Variants in TMEM131 observed in about 807,000 individuals in gnomAD.
TMEM131 encodes the protein 2610524E03Rik.
In TMEM131, 66 loss-of-function variants were observed where a neutral mutation model predicts 211.6. That is an observed-to-expected ratio of 0.31 (90% CI 0.26 to 0.38). The LOEUF (loss-of-function observed/expected upper bound fraction) is 0.38. Ranked by LOEUF, TMEM131 falls within the 10% of genes least tolerant of loss-of-function variation. TMEM131 has a pLI of 1.00. For synonymous variants in TMEM131, 844 were observed against 841.3 expected (o/e 1.00, Z -0.06); for missense variants, 2,036 against 2,299.3 (o/e 0.89, Z 2.34).
intron 2 of TMEM131, among the ~76,000 whole-genome samples, chr2:97,925,331 G>A (rs566036388): frequency 3.3e-5 from 5 of 152,198 alleles, no homozygotes; most frequent in Non-Finnish European, 7.3e-5. Flanking sequence ...GGATGGGAAT[G>A]ATGGTTTGAG....
chr2:97,796,607 C>T (rs757868384), intron 27 of TMEM131, among the ~76,000 whole-genome samples: 37 of 152,228 alleles, frequency 2.4e-4, no homozygotes, highest in African/African-American at 8.4e-4. Context: ...GTTGACTATA[C>T]TTCACATTTC....
At chr2:97,868,188 G>A (rs1674347551) in intron 4 of TMEM131, among the ~76,000 whole-genome samples, 1 of 152,056 alleles carries the variant, frequency 6.6e-6, no homozygotes, top group Admixed American at 6.5e-5. Context: ...CAGTAATAGT[G>A]CTTGTTCTGA....
chr2:97,954,012 C>T (rs1456946147), intron 1 of TMEM131, among the ~76,000 whole-genome samples: 1 of 152,076 alleles, frequency 6.6e-6, no homozygotes, highest in Non-Finnish European at 1.5e-5. Context: ...TATCAAAAAA[C>T]AGTTCTGACC....
Position 97,756,790 on chromosome 2 carries a change from A to C in TMEM131, c.*309T>G, listed in dbSNP as rs999344917. 3 of 219,458 alleles carry C rather than the reference A, an allele frequency of 1.4e-5. No individual in the cohort carries two copies. Among genetic ancestry groups the C allele is most frequent in the Non-Finnish European group, 2.7e-5 (3 of 113,022 alleles). 13.6% of individuals were successfully genotyped at this position (219,458 alleles called of 1,614,324 possible). ...CAAATCTGTGTTCATACAGATAAAT[A>C]AAGCATGGGGAAGACAGGTGGTGAA... On this transcript the variant is annotated 3_prime_UTR_variant, in exon 41 of 41. Coordinates refer to ENST00000186436, the MANE Select transcript of TMEM131 (RefSeq NM_015348.2).
At chr2:97,974,275 G>A (rs1187277103) in intron 1 of TMEM131, among the ~76,000 whole-genome samples, 4 of 152,098 alleles carry the variant, frequency 2.6e-5, no homozygotes, top group African/African-American at 2.4e-5. Context: ...AGGCATAGCA[G>A]TAGACCCATC....
intron 1 of TMEM131, among the ~76,000 whole-genome samples, chr2:97,936,264 T>C (rs1190491104): frequency 6.6e-6 from 1 of 152,224 alleles, no homozygotes; most frequent in Non-Finnish European, 1.5e-5. Context: ...GGGAATAAGA[T>C]GTCCACAGGG....
chr2:97,897,838 A>T (rs576106660), intron 3 of TMEM131, among the ~76,000 whole-genome samples: 1 of 152,248 alleles, frequency 6.6e-6, no homozygotes, highest in African/African-American at 2.4e-5. Flanking sequence ...TAGTCATATG[A>T]GCCTGCAGTT....
Position 97,834,808 on chromosome 2 carries a change from T to TA in TMEM131, c.921dup (p.Ile308TyrfsTer6). 6.2e-7 allele frequency: 1 copy of TA among 1,613,730 alleles called. No homozygotes were observed. The highest frequency in any genetic ancestry group is 1.3e-5 in the African/African-American group (1 of 75,054). On this transcript the variant is annotated frameshift_variant, in exon 9 of 41. Transcript: ENST00000186436. LOFTEE classifies it high-confidence loss of function. ...ACTTCAACCTCAACAGGAAGAATGA[T>TA]AAACTCTGTGCTGTCTGAAGCATTA...
At chr2:97,795,512 C>T (rs1680719953) in intron 28 of TMEM131, among the ~76,000 whole-genome samples, 1 of 152,146 alleles carries the variant, frequency 6.6e-6, no homozygotes, top group Non-Finnish European at 1.5e-5. Context: ...CCATCATCTC[C>T]TGCAGTATGG....
At chr2:97,851,986 C>T (rs1288813636) in intron 5 of TMEM131, among the ~76,000 whole-genome samples, 1 of 152,156 alleles carries the variant, frequency 6.6e-6, no homozygotes, top group Non-Finnish European at 1.5e-5. Flanking sequence ...AGGCTCAAAG[C>T]TAGGCCTTTA....
intron 35 of TMEM131, chr2:97,764,651 G>A (rs906270286): frequency 6.6e-6 from 1 of 152,322 alleles, no homozygotes; most frequent in African/African-American, 2.4e-5. Flanking sequence ...GGAAACTGAG[G>A]CATGCGGCAC....
intron 4 of TMEM131, among the ~76,000 whole-genome samples, chr2:97,885,260 C>A (rs1002810532): frequency 9.6e-5 from 14 of 145,680 alleles, no homozygotes; most frequent in African/African-American, 1.8e-4. Flanking sequence ...GGCAGTGGCG[C>A]GATCTCCGCT....
intron 1 of TMEM131, among the ~76,000 whole-genome samples, chr2:97,948,371 T>A (rs946701812): frequency 2.0e-5 from 3 of 151,778 alleles, no homozygotes; most frequent in Non-Finnish European, 2.9e-5. Context: ...CAGCTCAATT[T>A]AAAAAAATGC....
chr2:97,866,147 C>T (rs1674262296), intron 4 of TMEM131, among the ~76,000 whole-genome samples: 1 of 152,206 alleles, frequency 6.6e-6, no homozygotes, highest in Non-Finnish European at 1.5e-5. Flanking sequence ...TCCCAAAGTG[C>T]AGGGATTACA....
At chr2:97,852,832 C>G (rs1210780992) in intron 5 of TMEM131, among the ~76,000 whole-genome samples, 1 of 152,218 alleles carries the variant, frequency 6.6e-6, no homozygotes, top group Non-Finnish European at 1.5e-5. Flanking sequence ...TAGGGACTAA[C>G]ACAGCTGGTG....
intron 1 of TMEM131, among the ~76,000 whole-genome samples, chr2:97,964,187 A>G (rs1678943018): frequency 6.6e-6 from 1 of 152,192 alleles, no homozygotes. Flanking sequence ...TCCCCAGACA[A>G]AATAATAATA....
At chr2:97,865,185 T>C (rs924453302) in intron 4 of TMEM131, among the ~76,000 whole-genome samples, 4 of 152,238 alleles carry the variant, frequency 2.6e-5, no homozygotes, top group Non-Finnish European at 5.9e-5. Flanking sequence ...TCAATACGCA[T>C]TACCAGACAG....
intron 4 of TMEM131, among the ~76,000 whole-genome samples, chr2:97,872,726 A>G (rs533115761): frequency 6.6e-6 from 1 of 152,204 alleles, no homozygotes; most frequent in Non-Finnish European, 1.5e-5. Context: ...CGCTTGTCCC[A>G]TGGTCTCTGC....
intron 3 of TMEM131, among the ~76,000 whole-genome samples, chr2:97,890,985 T>C (rs913010124): frequency 1.3e-5 from 2 of 152,162 alleles, no homozygotes; most frequent in Non-Finnish European, 1.5e-5. Flanking sequence ...GATCTATATC[T>C]AAGGAACAGT....
Sources: allele counts gnomAD v4.1 joint callset (sites outside exome capture counted in the v4.1 genomes callset), GRCh38; gene constraint gnomAD v4.1.1; transcripts MANE v1.5; gene names NCBI Gene and HGNC (gene_info 2026-07-23, HGNC 2026-07-21).